LTK: variants seen among roughly 807,000 people sequenced by gnomAD.
LTK encodes the protein leukocyte tyrosine kinase receptor.
Under a neutral mutation model 101.5 loss-of-function variants are expected in LTK, and 117 were observed. That is an observed-to-expected ratio of 1.15 (90% confidence interval 0.99 to 1.34). The LOEUF (loss-of-function observed/expected upper bound fraction) is 1.34. Among genes scored for constraint, LTK ranks in the 40% most tolerant of loss-of-function variants. The probability of loss-of-function intolerance (pLI) is 0.00; values close to 1 mark genes in which losing one functional copy is unlikely to be tolerated. For missense variants in LTK, 1,252 were observed against 1,164.7 expected (o/e 1.07, Z -1.09); for synonymous variants, 563 against 494.2 (o/e 1.14, Z -1.85).
intron 8 of LTK, 87 bp from the exon 9 acceptor site, chr15:41,508,308 C>T: frequency 3.4e-6 from 4 of 1,182,226 alleles, no homozygotes; most frequent in Non-Finnish European, 4.7e-6. Context: ...GTGGCACACG[C>T]CTATAATCAT....
intron 8 of LTK, among the ~76,000 whole-genome samples, chr15:41,508,795 C>T (rs1454804735): frequency 2.0e-5 from 3 of 152,174 alleles, no homozygotes; most frequent in Non-Finnish European, 4.4e-5. Context: ...TGCCATCCAG[C>T]ACGACTGGCA....
chr15:41,511,082 C>G lies in LTK; in HGVS notation c.997+82G>C. ...AATGCCTCTCCCACACCTATCCTCC[C>G]GAGGGCTCCGGCCTGTACTTAGGTT... On this transcript the variant is annotated intron_variant, in intron 7 of 19. Transcript: ENST00000263800. The surrounding 1 kb of genome is among the most constrained non-coding windows in gnomAD (Gnocchi z 5.9). 1 of 1,291,370 alleles carries G rather than the reference C, an allele frequency of 7.7e-7. No homozygotes were observed. Among genetic ancestry groups the G allele is most frequent in the African/African-American group, 1.5e-5 (1 of 64,866 alleles). The allele number at this position is 1,291,370 out of a possible 1,614,324, so 80.0% of individuals were successfully genotyped here. A position where few individuals can be genotyped will look rare whatever the true frequency, so the allele number is the denominator to read the frequency against.
At position 41,505,378 on chromosome 15, in the gene LTK, G is replaced by C. The variant is rs1199871729; in HGVS notation, c.1827+23C>G. ...GGACAGGGTCTTTAGAGGGGCCTGG[G>C]GGGGCTAAGACAAGGGTCTCACCAG... On this transcript the variant is annotated intron_variant, in intron 14 of 19. Coordinates refer to ENST00000263800, the MANE Select transcript of LTK (RefSeq NM_002344.6). The C allele has an allele frequency of 5.0e-6, 8 of 1,613,588 alleles. No homozygotes were observed. In the African/African-American group the frequency reaches 6.7e-5, roughly 13 times the overall value.
At position 41,507,282 on chromosome 15, in the gene LTK, T is replaced by C; in HGVS notation, c.1354A>G (p.Lys452Glu). The C allele has an allele frequency of 6.3e-7, 1 of 1,595,028 alleles. No homozygotes were observed. The highest frequency in any genetic ancestry group is 8.5e-7 in the Non-Finnish European group (1 of 1,171,536). The change falls in exon 11 of 20, where the codon AAG becomes GAG. Residue 452 changes from lysine to glutamate, a missense_variant. Lys to Glu is a moderately conservative substitution (Grantham distance 56). Coordinates refer to ENST00000263800, the MANE Select transcript of LTK (RefSeq NM_002344.6). The stretch of plus-strand genomic sequence containing the variant: ...ATCTCCTGCAGGCCCTGCCACTTCT[T>C]CTGCTTCACTGGGGGTGGGAAGAAT... ...VCGVLILVKQ[K>E]KWQGLQEMRL...
Position 41,503,855 on chromosome 15 carries a change from G to T in LTK, c.*141C>A. On this transcript the variant is annotated 3_prime_UTR_variant, in exon 20 of 20. Coordinates refer to ENST00000263800, the MANE Select transcript of LTK (RefSeq NM_002344.6). ...AGCATGGCAAGTGCAGCGCTGCCAGGCCAGCCCCGAGACAGGCCCAGACAC... is the reference window on the plus strand; with the variant it reads ...AGCATGGCAAGTGCAGCGCTGCCAGTCCAGCCCCGAGACAGGCCCAGACAC... 1 of 1,044,270 alleles carries T rather than the reference G, an allele frequency of 9.6e-7. No homozygotes were observed. The highest frequency in any genetic ancestry group is 1.4e-6 in the Non-Finnish European group (1 of 739,400). 64.7% of individuals were successfully genotyped at this position (1,044,270 alleles called of 1,614,324 possible).
At chr15:41,504,694 A>G (rs1014162214) in intron 17 of LTK, 54 bp from the exon 18 acceptor site, 2 of 1,604,544 alleles carry the variant, frequency 1.2e-6, no homozygotes, top group African/African-American at 2.7e-5. Context: ...GCCTCCCCTC[A>G]CATGAGGTGG....
At position 41,512,796 on chromosome 15, in the gene LTK, G is replaced by T; in HGVS notation, c.270C>A (p.Tyr90Ter). ...GPTQTQCDGA[Y>*]AGTSVVVTVG... ...CGGTCACCACCACGCTGGTCCCCGC[G>T]TACGCCCCGTCACATTGTGTCTGTG... The change falls in exon 3 of 20, where the codon TAC becomes TAA. Residue 90 changes from tyrosine to a stop codon, truncating the protein, a stop_gained. Transcript: ENST00000263800. LOFTEE classifies it high-confidence loss of function. 1 of 1,612,358 alleles carries T rather than the reference G, an allele frequency of 6.2e-7. No homozygotes were observed. Among genetic ancestry groups the T allele is most frequent in the Non-Finnish European group, 8.5e-7 (1 of 1,179,738 alleles).
At chr15:41,512,044 C>A (rs2051488319) in intron 4 of LTK, 71 bp downstream of exon 4, 12 of 1,484,756 alleles carry the variant, frequency 8.1e-6, no homozygotes, top group Middle Eastern at 2.0e-4. Flanking sequence ...GAGGAAAGCA[C>A]GCTCCCCCGG....
chr15:41,506,550 C>A (rs1228459327), intron 11 of LTK, among the ~76,000 whole-genome samples: 2 of 151,908 alleles, frequency 1.3e-5, no homozygotes, highest in East Asian at 3.9e-4. Flanking sequence ...GGTGATCCAC[C>A]TGCCTTGGCC....
chr15:41,505,140 G>C (rs2051222800), intron 15 of LTK, 68 bp downstream of exon 15: 1 of 1,583,820 alleles, frequency 6.3e-7, no homozygotes, highest in Non-Finnish European at 8.6e-7. Context: ...CTTAAAAGCT[G>C]TGTGGAAGGG....
At chr15:41,505,674 C>G (rs765344982) in intron 13 of LTK, 39 bp downstream of exon 13, 1 of 1,612,032 alleles carries the variant, frequency 6.2e-7, no homozygotes, top group Non-Finnish European at 8.5e-7. Context: ...CGGGCATTCC[C>G]CTCCCGCCTT....
At position 41,504,040 on chromosome 15, in the gene LTK, C is replaced by T. The variant is rs1165723387; in HGVS notation, c.2551G>A (p.Gly851Ser). ...SSGLKPLKSRGLQPQNLWNPT... is the reference protein window; with the variant it reads ...SSGLKPLKSRSLQPQNLWNPT... ...TTCCAAAGGTTCTGAGGTTGGAGGC[C>T]CCTGGATTTGAGGGGCTTGAGGCCA... Residue 851 changes from glycine to serine, a missense_variant, in exon 20 of 20, where the codon GGC (glycine) becomes AGC (serine). Gly to Ser is a moderately conservative substitution (Grantham distance 56). Coordinates refer to ENST00000263800, the MANE Select transcript of LTK (RefSeq NM_002344.6). 6.2e-7 allele frequency: 1 copy of T among 1,612,926 alleles called. No homozygotes were observed. The highest frequency in any genetic ancestry group is 1.7e-5 in the Admixed American group (1 of 59,844).
rs1402514539 is a variant in LTK, at chr15:41,511,443, C to T, written c.793G>A (p.Gly265Ser). ...TCACCTGCCGCCCCGCCTCTCCCGC[C>T]GCTCCCGGGCGCCTCCGAGCGGTTC... ...LENRSEAPGSGGRGGAAGGGG... is the reference protein window; with the variant it reads ...LENRSEAPGSSGRGGAAGGGG... Residue 265 changes from glycine to serine, a missense_variant, in exon 6 of 20, where the codon GGC (glycine) becomes AGC (serine). Gly to Ser is a moderately conservative substitution (Grantham distance 56). Coordinates refer to ENST00000263800, the MANE Select transcript of LTK (RefSeq NM_002344.6). This position sits in a 1 kb window ranked among gnomAD's most constrained non-coding sequence, Gnocchi z 5.9. 9 of 1,407,350 alleles carry T rather than the reference C, an allele frequency of 6.4e-6. No individual in the cohort carries two copies. Among genetic ancestry groups the T allele is most frequent in the African/African-American group, 6.0e-5 (4 of 66,288 alleles). The allele number at this position is 1,407,350 out of a possible 1,614,324, so 87.2% of individuals were successfully genotyped here. A position where few individuals can be genotyped will look rare whatever the true frequency, so the allele number is the denominator to read the frequency against.
chr15:41,508,917 G>A, intron 8 of LTK, 114 bp downstream of exon 8: 2 of 678,730 alleles, frequency 2.9e-6, no homozygotes, highest in Non-Finnish European at 5.2e-6. Flanking sequence ...CAAGAATCCT[G>A]TGCTATGCAA....
chr15:41,506,409 A>G (rs1196665657), intron 11 of LTK, among the ~76,000 whole-genome samples: 1 of 151,926 alleles, frequency 6.6e-6, no homozygotes, highest in Non-Finnish European at 1.5e-5. Flanking sequence ...GGTTCAAGTG[A>G]TTCTCCTGCC....
rs1356426691 is a variant in LTK, at chr15:41,509,142, A to C, written c.998-13T>G. The C allele has an allele frequency of 1.3e-6, 2 of 1,529,906 alleles. No individual in the cohort carries two copies. Among genetic ancestry groups the C allele is most frequent in the Non-Finnish European group, 1.8e-6 (2 of 1,103,684 alleles). 94.8% of individuals were successfully genotyped at this position (1,529,906 alleles called of 1,614,324 possible). A position where few individuals can be genotyped will look rare whatever the true frequency, so the allele number is the denominator to read the frequency against. On this transcript the variant is annotated splice_polypyrimidine_tract_variant and intron_variant, in intron 7 of 19. Transcript: ENST00000263800. ...GAAGCGTCGCCCCCTGGAAGTGGAG[A>C]GTGATGGAGAGTTTGACTACAAAAA...
intron 12 of LTK, 25 bp downstream of exon 12, chr15:41,505,890 C>A: frequency 6.2e-7 from 1 of 1,607,490 alleles, no homozygotes; most frequent in Non-Finnish European, 8.5e-7. Flanking sequence ...CTCCTACCCC[C>A]AGCCAGAAGT....
In LTK at chr15:41,509,024, C is replaced by T. The variant is rs774634628; in HGVS notation, c.1096+7G>A. ...GCCAGGCTCAGAGGTGGGGTTGGGG[C>T]CAATACCTGCCAGAGGCTGCAGGAA... is the stretch of plus-strand genomic sequence containing the variant. On this transcript the variant is annotated splice_region_variant and intron_variant, in intron 8 of 19. Coordinates refer to ENST00000263800, the MANE Select transcript of LTK (RefSeq NM_002344.6). 106 of 1,594,360 alleles carry T rather than the reference C, an allele frequency of 6.6e-5. No individual in the cohort carries two copies. The highest frequency in any genetic ancestry group is 8.6e-5 in the Non-Finnish European group (101 of 1,169,140).
intron 16 of LTK, 23 bp downstream of exon 16, chr15:41,504,949 T>TTCCCACC: frequency 6.2e-7 from 1 of 1,600,508 alleles, no homozygotes; most frequent in Non-Finnish European, 8.5e-7. Flanking sequence ...AGCAAGAGCC[T>TTCCCACC]TCCCACCTCC....
Sources: allele counts gnomAD v4.1 joint callset (sites outside exome capture counted in the v4.1 genomes callset), GRCh38; gene constraint gnomAD v4.1.1; non-coding constraint Gnocchi (gnomAD v3.1); transcripts MANE v1.5; gene names NCBI Gene and HGNC (gene_info 2026-07-23, HGNC 2026-07-21).